TBC1D32: variants seen among roughly 807,000 people sequenced by gnomAD.
The protein encoded by TBC1D32 is TBC1 domain family member 32.
Under a neutral mutation model 170.3 loss-of-function variants are expected in TBC1D32, and 151 were observed. The ratio of observed to expected loss-of-function variants is 0.89; its 90% CI spans 0.78 to 1.01. The LOEUF (loss-of-function observed/expected upper bound fraction) is 1.01, where lower values mean the gene tolerates loss of function less well. Ranked by LOEUF, TBC1D32 falls within the 50% of genes least tolerant of loss-of-function variation. The pLI is 0.00. For missense variants in TBC1D32, 1,464 were observed against 1,457.1 expected (o/e 1.00, Z -0.08); for synonymous variants, 498 against 488.0 (o/e 1.02, Z -0.27).
intron 12 of TBC1D32, among the ~76,000 whole-genome samples, chr6:121,288,545 T>C (rs940085622): frequency 2.0e-5 from 3 of 152,090 alleles, no homozygotes; most frequent in Non-Finnish European, 4.4e-5. Context: ...CAGGACCAGA[T>C]GGATTCACAG....
At chr6:121,202,279 G>A (rs1470162819) in intron 22 of TBC1D32, among the ~76,000 whole-genome samples, 108 of 113,942 alleles carry the variant, frequency 9.5e-4, no homozygotes, top group Non-Finnish European at 1.3e-3. Context: ...ACTAGAGAAT[G>A]AAAAAAAAAA....
chr6:121,262,173 G>A (rs1799850331), intron 15 of TBC1D32, among the ~76,000 whole-genome samples: 1 of 152,116 alleles, frequency 6.6e-6, no homozygotes, highest in African/African-American at 2.4e-5. Context: ...AAAAGAAACG[G>A]GAAGAATGGA....
intron 29 of TBC1D32, among the ~76,000 whole-genome samples, chr6:121,111,342 G>C (rs565982285): frequency 6.6e-6 from 1 of 152,278 alleles, no homozygotes; most frequent in East Asian, 1.9e-4. Flanking sequence ...GTTAAGACTA[G>C]TGGAATGTAG....
chr6:121,321,912 T>G, intron 1 of TBC1D32, 118 bp from the exon 2 acceptor site: 1 of 969,194 alleles, frequency 1.0e-6, no homozygotes, highest in Non-Finnish European at 1.4e-6. Flanking sequence ...ATTAAATTAG[T>G]CATTCATCAC....
chr6:121,101,858 T>A (rs1339748788), intron 30 of TBC1D32, among the ~76,000 whole-genome samples: 2 of 152,050 alleles, frequency 1.3e-5, no homozygotes, highest in Non-Finnish European at 2.9e-5. Context: ...CAGCCCAAAA[T>A]CTCCTTAAGC....
At chr6:121,104,455 T>C (rs1778482090) in intron 30 of TBC1D32, among the ~76,000 whole-genome samples, 1 of 151,738 alleles carries the variant, frequency 6.6e-6, no homozygotes, top group African/African-American at 2.4e-5. Flanking sequence ...ACATGCTGGA[T>C]AAATTCTCAA....
rs202176975 is a variant in TBC1D32 at position 121,080,757 on chromosome 6, G to A, written c.*14C>T. 111 of 1,599,908 alleles carry A rather than the reference G, an allele frequency of 6.9e-5. No individual in the cohort carries two copies. The African/African-American group carries it at 1.0e-3, about 14-fold the overall frequency. On this transcript the variant is annotated 3_prime_UTR_variant, in exon 32 of 32. Transcript: ENST00000398212. ...AATAAATAAAACCTAAATTTAAACC[G>A]TGTGTCTCATGATCTATGTGCTCTG...
At chr6:121,255,771 T>C (rs1798923570) in intron 16 of TBC1D32, among the ~76,000 whole-genome samples, 1 of 152,072 alleles carries the variant, frequency 6.6e-6, no homozygotes, top group East Asian at 1.9e-4. Context: ...CCCAGCTGTC[T>C]CTAAAAATTA....
At chr6:121,250,058 G>T (rs1011409681) in intron 17 of TBC1D32, among the ~76,000 whole-genome samples, 2 of 151,824 alleles carry the variant, frequency 1.3e-5, no homozygotes, top group African/African-American at 4.8e-5. Context: ...AAATCTGAAG[G>T]CATCTCATTA....
intron 24 of TBC1D32, among the ~76,000 whole-genome samples, chr6:121,144,362 A>G (rs1436093532): frequency 1.3e-5 from 2 of 152,178 alleles, no homozygotes; most frequent in African/African-American, 4.8e-5. Context: ...TGTGTTGAGA[A>G]TAGACTAAAC....
intron 22 of TBC1D32, among the ~76,000 whole-genome samples, chr6:121,189,536 T>G (rs1351992439): frequency 6.6e-6 from 1 of 151,542 alleles, no homozygotes; most frequent in Non-Finnish European, 1.5e-5. Context: ...TTATAAAATG[T>G]AAATACACTA....
intron 15 of TBC1D32, among the ~76,000 whole-genome samples, chr6:121,270,216 A>G (rs1801169805): frequency 6.6e-6 from 1 of 152,178 alleles, no homozygotes; most frequent in Non-Finnish European, 1.5e-5. Context: ...GAGAAGCAAG[A>G]GCAAACATAT....
intron 2 of TBC1D32, 43 bp downstream of exon 2, chr6:121,321,590 G>A: frequency 6.3e-7 from 1 of 1,577,960 alleles, no homozygotes. Flanking sequence ...AAGACGTCTT[G>A]TTGAAGAAGG....
At chr6:121,162,143 T>G (rs561897582) in intron 22 of TBC1D32, among the ~76,000 whole-genome samples, 2 of 152,344 alleles carry the variant, frequency 1.3e-5, no homozygotes, top group Non-Finnish European at 1.5e-5. Flanking sequence ...TTCTATAGGT[T>G]GTCTGTCCAC....
At chr6:121,270,846 G>A (rs937520155) in intron 15 of TBC1D32, among the ~76,000 whole-genome samples, 9 of 152,038 alleles carry the variant, frequency 5.9e-5, no homozygotes, top group Non-Finnish European at 8.8e-5. Flanking sequence ...GATGAACATC[G>A]ATGCAAAAAT....
intron 27 of TBC1D32, among the ~76,000 whole-genome samples, chr6:121,114,303 T>C (rs1389373851): frequency 1.3e-5 from 2 of 152,240 alleles, no homozygotes; most frequent in African/African-American, 2.4e-5. Context: ...CTATATCTTA[T>C]ACTGTAATAT....
intron 17 of TBC1D32, among the ~76,000 whole-genome samples, chr6:121,251,244 A>G (rs890996343): frequency 6.6e-6 from 1 of 152,164 alleles, no homozygotes; most frequent in Non-Finnish European, 1.5e-5. Flanking sequence ...TTTCATATGG[A>G]ACCAAAAAAG....
At chr6:121,105,657 G>A (rs1455352575) in intron 30 of TBC1D32, among the ~76,000 whole-genome samples, 1 of 151,888 alleles carries the variant, frequency 6.6e-6, no homozygotes, top group South Asian at 2.1e-4. Flanking sequence ...GTTAATCCGC[G>A]GGGATTTTTT....
At chr6:121,325,386 A>C (rs1374325861) in intron 1 of TBC1D32, among the ~76,000 whole-genome samples, 1 of 149,190 alleles carries the variant, frequency 6.7e-6, no homozygotes, top group Non-Finnish European at 1.5e-5. Context: ...ATAAGATACA[A>C]GGCTAACCAA....
Sources: gnomAD v4.1 joint callset for allele counts (sites outside exome capture counted in the v4.1 genomes callset) on GRCh38, gnomAD v4.1.1 for gene constraint, MANE v1.5 for transcripts, NCBI Gene and HGNC (gene_info 2026-07-23, HGNC 2026-07-21) for gene names.